AEBP2: variants seen among roughly 807,000 people sequenced by gnomAD.
The protein encoded by AEBP2 is AE binding protein 2, also known as zinc finger protein AEBP2.
In AEBP2, 10 loss-of-function variants were observed where a neutral mutation model predicts 50.8. That is an observed-to-expected ratio of 0.20 (90% CI 0.12 to 0.33). The LOEUF (loss-of-function observed/expected upper bound fraction) is 0.33. Among genes scored for constraint, AEBP2 ranks in the 10% least tolerant of loss-of-function variants. AEBP2 has a pLI of 1.00. For missense variants in AEBP2, 570 were observed against 688.0 expected (o/e 0.83, Z 1.92); for synonymous variants, 296 against 261.3 (o/e 1.13, Z -1.28).
intron 1 of AEBP2, among the ~76,000 whole-genome samples, chr12:19,448,899 C>G (rs927960902): frequency 6.6e-6 from 1 of 152,018 alleles, no homozygotes; most frequent in Admixed American, 6.6e-5. Flanking sequence ...AGGCTGGTCT[C>G]GAACCCCTGA....
chr12:19,418,389 C>CTTTTTTT (rs372043971), intron 1 of AEBP2, among the ~76,000 whole-genome samples: 6 of 94,932 alleles, frequency 6.3e-5, no homozygotes, highest in African/African-American at 1.6e-4. Context: ...CTATGCCTGG[C>CTTTTTTT]TTTTTTTTTT....
chr12:19,486,971 T>A (rs533897558), intron 3 of AEBP2, among the ~76,000 whole-genome samples: 1 of 152,238 alleles, frequency 6.6e-6, no homozygotes, highest in South Asian at 2.1e-4. Context: ...GCCATTCTAG[T>A]GGATGAGTAG....
intron 7 of AEBP2, among the ~76,000 whole-genome samples, chr12:19,515,909 C>T (rs747453420): frequency 6.6e-6 from 1 of 151,918 alleles, no homozygotes; most frequent in Non-Finnish European, 1.5e-5. Context: ...AGACCAGCCT[C>T]GGCAACATAG....
chr12:19,417,379 T>C (rs1413608911), intron 1 of AEBP2, among the ~76,000 whole-genome samples: 2 of 152,102 alleles, frequency 1.3e-5, no homozygotes, highest in African/African-American at 4.8e-5. Context: ...TAGAAGTTGA[T>C]GTCGTGGATA....
At chr12:19,453,240 A>T (rs1025090261) in intron 1 of AEBP2, among the ~76,000 whole-genome samples, 1 of 152,002 alleles carries the variant, frequency 6.6e-6, no homozygotes, top group African/African-American at 2.4e-5. Flanking sequence ...AAGTGCTGGG[A>T]TTACAGGCGT....
intron 1 of AEBP2, among the ~76,000 whole-genome samples, chr12:19,432,072 T>G (rs2095751704): frequency 6.6e-6 from 1 of 152,200 alleles, no homozygotes; most frequent in Non-Finnish European, 1.5e-5. Flanking sequence ...ACAAGAAACC[T>G]GCTGCCATGG....
chr12:19,479,565 C>T (rs1948695802), intron 3 of AEBP2, among the ~76,000 whole-genome samples: 1 of 146,330 alleles, frequency 6.8e-6, no homozygotes, highest in East Asian at 2.1e-4. Context: ...TATTATTTTA[C>T]TGTGTTTATT....
Position 19,518,196 on chromosome 12 carries a change from T to G in AEBP2, c.*79T>G. The G allele has an allele frequency of 7.0e-7, 1 of 1,437,960 alleles. No homozygotes were observed. 89.1% of individuals were successfully genotyped at this position (1,437,960 alleles called of 1,614,324 possible). A position where few individuals can be genotyped will look rare whatever the true frequency, so the allele number is the denominator to read the frequency against. On this transcript the variant is annotated 3_prime_UTR_variant, in exon 8 of 8. Coordinates refer to ENST00000266508, the MANE Select transcript of AEBP2 (RefSeq NM_153207.5). ...CACTGACAATGGGTTTAGGGAAAGT[T>G]GCACATTAGAGTCAACCCCTTCTTT... is the stretch of plus-strand genomic sequence containing the variant.
Position 19,440,832 on chromosome 12 carries a change from A to T in AEBP2, c.671+462A>T. The stretch of plus-strand genomic sequence containing the variant: ...TGGATTTAACAGAACTTCCTTGTCC[A>T]TGGGAGAGACCCCAGCTATCACTTT... On this transcript the variant is annotated intron_variant, in intron 1 of 7. Transcript: ENST00000266508. The T allele has an allele frequency of 2.1e-6, 3 of 1,397,528 alleles. No homozygotes were observed. The South Asian group carries it at 3.7e-5, about 17-fold the overall frequency. The allele number at this position is 1,397,528 out of a possible 1,614,324, so 86.6% of individuals were successfully genotyped here.
intron 1 of AEBP2, among the ~76,000 whole-genome samples, chr12:19,450,512 A>G (rs1948148652): frequency 7.0e-6 from 1 of 143,296 alleles, no homozygotes; most frequent in Admixed American, 7.3e-5. Flanking sequence ...TGTGTGCTAC[A>G]CTAGATAAAA....
At chr12:19,499,473 G>T (rs1949034494) in intron 4 of AEBP2, among the ~76,000 whole-genome samples, 1 of 152,094 alleles carries the variant, frequency 6.6e-6, no homozygotes, top group Non-Finnish European at 1.5e-5. Flanking sequence ...AATCAGCCGG[G>T]CTTGGTGGTG....
chr12:19,448,027 A>G (rs1255138233), intron 1 of AEBP2, among the ~76,000 whole-genome samples: 1 of 152,152 alleles, frequency 6.6e-6, no homozygotes, highest in Non-Finnish European at 1.5e-5. Context: ...TATCTTAGGT[A>G]GGTTCTTTTG....
At chr12:19,432,802 A>G (rs79971192) in intron 1 of AEBP2, among the ~76,000 whole-genome samples, 3,397 of 152,224 alleles carry the variant, frequency 0.022, 45 homozygotes, top group East Asian at 0.042. Flanking sequence ...GATTTGACTT[A>G]GTGAGAGACC....
chr12:19,440,667 CG>C (rs749909053), intron 1 of AEBP2: 2 of 1,532,080 alleles, frequency 1.3e-6, no homozygotes, highest in South Asian at 1.2e-5. Flanking sequence ...AGTCCCCAAA[CG>C]GGCCCAGATC....
chr12:19,505,327 G>C (rs1397222734), intron 5 of AEBP2, among the ~76,000 whole-genome samples: 1 of 152,196 alleles, frequency 6.6e-6, no homozygotes, highest in Non-Finnish European at 1.5e-5. Context: ...TTATTAAACT[G>C]TTTTAAATAT....
chr12:19,439,354 A>C (rs902540506), upstream of AEBP2, among the ~76,000 whole-genome samples: 1 of 141,540 alleles, frequency 7.1e-6, no homozygotes, highest in African/African-American at 2.5e-5. Context: ...GGCCCCGAGG[A>C]AACGCTGAGC....
chr12:19,509,231 C>A, intron 5 of AEBP2: 1 of 347,180 alleles, frequency 2.9e-6, no homozygotes, highest in Non-Finnish European at 5.6e-6. Flanking sequence ...GTTGAAGGCA[C>A]AAGCACAGAG....
intron 1 of AEBP2, among the ~76,000 whole-genome samples, chr12:19,424,853 C>A (rs528632185): frequency 1.9e-3 from 288 of 151,342 alleles, no homozygotes; most frequent in Non-Finnish European, 3.1e-3. Flanking sequence ...ACTAAAAATA[C>A]AAAAAATTAG....
intron 1 of AEBP2, among the ~76,000 whole-genome samples, chr12:19,433,802 C>CA (rs112434450): frequency 0.021 from 2,898 of 139,098 alleles, 108 homozygotes; most frequent in East Asian, 0.19. Flanking sequence ...AACTCCGTCT[C>CA]AAAAAAAAAA....
Sources: allele counts gnomAD v4.1 joint callset (sites outside exome capture counted in the v4.1 genomes callset), GRCh38; gene constraint gnomAD v4.1.1; transcripts MANE v1.5; gene names NCBI Gene and HGNC (gene_info 2026-07-23, HGNC 2026-07-21).